CLEC20A: variants seen among roughly 807,000 people sequenced by gnomAD.
The protein encoded by CLEC20A is C-type lectin domain containing 20A.
exon 4 of CLEC20A, chr1:178,490,200 A>T (rs764439622): frequency 2.5e-6 from 1 of 398,722 alleles, no homozygotes; most frequent in Non-Finnish European, 4.4e-6. Context: ...CCAGGAGGGG[A>T]TGCTGGCCCC....
intron 7 of CLEC20A, chr1:178,482,090 C>CAAAAA (rs771558758): frequency 1.4e-5 from 5 of 366,288 alleles, no homozygotes; most frequent in African/African-American, 1.2e-4. Context: ...AACAAAAAAA[C>CAAAAA]AACAAAAAAA....
chr1:178,497,909 G>T (rs1485647261), upstream of CLEC20A, among the ~76,000 whole-genome samples: 2 of 152,012 alleles, frequency 1.3e-5, no homozygotes, highest in African/African-American at 4.8e-5. Flanking sequence ...TAGACCCCTT[G>T]GGTCCTCAGG....
At chr1:178,486,898 G>C (rs1287720530) in intron 5 of CLEC20A, 14 of 398,086 alleles carry the variant, frequency 3.5e-5, no homozygotes, top group Admixed American at 1.8e-4. Flanking sequence ...GGGTGTTACC[G>C]CCCCTTGGGG....
upstream of CLEC20A, among the ~76,000 whole-genome samples, chr1:178,499,137 C>G (rs148948623): frequency 1.3e-5 from 2 of 152,302 alleles, no homozygotes; most frequent in East Asian, 3.9e-4. Context: ...GCCCAGCACT[C>G]CCTGAGGGCA....
rs1335115808 is a variant in CLEC20A at position 178,494,814 on chromosome 1, G to T, written c.41-4C>A. 2.5e-6 allele frequency: 1 copy of T among 399,226 alleles called. No individual in the cohort carries two copies. The highest frequency in any genetic ancestry group is 1.3e-4 in the South Asian group (1 of 7,812). 24.7% of individuals were successfully genotyped at this position (399,226 alleles called of 1,614,324 possible). ...TTACTGCTCACCAGCTGCAGGGCTG[G>T]AACAGGAGAGGCTGTCATAGCATGG... On this transcript the variant is annotated splice_polypyrimidine_tract_variant and splice_region_variant and intron_variant, in intron 1 of 7. Transcript: ENST00000623247.
chr1:178,487,432 C>G (rs917086232), intron 5 of CLEC20A, among the ~76,000 whole-genome samples: 1 of 152,202 alleles, frequency 6.6e-6, no homozygotes, highest in East Asian at 1.9e-4. Context: ...CACTCTCCAG[C>G]GCTGACTGTC....
At chr1:178,492,940 A>G (rs1371173094) in intron 2 of CLEC20A, among the ~76,000 whole-genome samples, 1 of 152,186 alleles carries the variant, frequency 6.6e-6, no homozygotes, top group Non-Finnish European at 1.5e-5. Flanking sequence ...CGAAGAGGGG[A>G]GGCGAGGCCT....
chr1:178,482,090 C>G (rs6684185), intron 7 of CLEC20A: 33 of 366,288 alleles, frequency 9.0e-5, no homozygotes, highest in Non-Finnish European at 1.5e-4. Flanking sequence ...AACAAAAAAA[C>G]AACAAAAAAA....
At chr1:178,493,004 T>A (rs79683799) in intron 2 of CLEC20A, among the ~76,000 whole-genome samples, 1 of 152,200 alleles carries the variant, frequency 6.6e-6, no homozygotes, top group Non-Finnish European at 1.5e-5. Context: ...CTGATTCTTT[T>A]GTTTACAGGG....
At chr1:178,479,663 A>G (rs1250481365) in intron 7 of CLEC20A, 48 bp from the exon 8 acceptor site, 1 of 398,074 alleles carries the variant, frequency 2.5e-6, no homozygotes, top group Non-Finnish European at 4.4e-6. Context: ...TTTTTACTTC[A>G]TGGTCCTCTT....
At chr1:178,489,241 T>G (rs1049796606) in intron 4 of CLEC20A, among the ~76,000 whole-genome samples, 1 of 152,022 alleles carries the variant, frequency 6.6e-6, no homozygotes, top group African/African-American at 2.4e-5. Flanking sequence ...TGGGCACCTG[T>G]AACCCCAGCT....
chr1:178,481,697 TTA>T (rs1648991210), intron 7 of CLEC20A: 1 of 152,166 alleles, frequency 6.6e-6, no homozygotes, highest in Admixed American at 6.5e-5. Flanking sequence ...TGGCTCACGC[TTA>T]TAATCCCAGC....
intron 5 of CLEC20A, chr1:178,486,619 G>A (rs1051994826): frequency 2.3e-5 from 9 of 398,604 alleles, no homozygotes; most frequent in Non-Finnish European, 3.5e-5. Flanking sequence ...CCGGCTGGAT[G>A]TGGCAGACCC....
intron 5 of CLEC20A, chr1:178,486,671 T>G: frequency 2.5e-6 from 1 of 398,188 alleles, no homozygotes; most frequent in Non-Finnish European, 4.4e-6. Context: ...GCATCGCGGG[T>G]GGCATCGAGT....
At chr1:178,495,917 G>A (rs942949437) in intron 1 of CLEC20A, 1 of 152,586 alleles carries the variant, frequency 6.6e-6, no homozygotes, top group African/African-American at 2.4e-5. Flanking sequence ...GGACCTTGGG[G>A]GTCTGGGCCA....
exon 2 of CLEC20A, chr1:178,494,713 G>T: frequency 2.5e-6 from 1 of 399,296 alleles, no homozygotes; most frequent in Non-Finnish European, 4.4e-6. Flanking sequence ...GGTCAGCGAG[G>T]TCTGTGTAGT....
chr1:178,497,677 G>A (rs762796931), upstream of CLEC20A, among the ~76,000 whole-genome samples: 3 of 152,176 alleles, frequency 2.0e-5, no homozygotes, highest in Admixed American at 1.3e-4. Flanking sequence ...AAGGCTCCCG[G>A]GGACACATAC....
intron 5 of CLEC20A, chr1:178,484,138 C>T (rs766365281): frequency 6.6e-6 from 1 of 152,114 alleles, no homozygotes; most frequent in Non-Finnish European, 1.5e-5. Flanking sequence ...TAAACAATGC[C>T]GCAACAAACA....
rs193160063 is a variant in CLEC20A at position 178,482,451 on chromosome 1, A to T, written c.1037-54T>A. 170 of 398,384 alleles carry T rather than the reference A, an allele frequency of 4.3e-4. No individual in the cohort carries two copies. The East Asian group carries it at 5.2e-3, about 12-fold the overall frequency. 24.7% of individuals were successfully genotyped at this position (398,384 alleles called of 1,614,324 possible). ...GGGATATTATCCTATTTCCATTTCA[A>T]GTTCTTAGCAGTCAGGAGCACCCGG... is the stretch of plus-strand genomic sequence containing the variant. On this transcript the variant is annotated intron_variant, in intron 6 of 7. Coordinates refer to ENST00000623247, the Ensembl canonical transcript of CLEC20A.
Sources: allele counts gnomAD v4.1 joint callset (sites outside exome capture counted in the v4.1 genomes callset), GRCh38; gene constraint gnomAD v4.1.1; transcripts MANE v1.5; gene names NCBI Gene and HGNC (gene_info 2026-07-23, HGNC 2026-07-21).